The following TBCA variants were observed in gnomAD, a reference collection of about 807,000 sequenced individuals.
TBCA encodes tubulin-specific chaperone A.
Under a neutral mutation model 15.8 loss-of-function variants are expected in TBCA, and 6 were observed. The ratio of observed to expected loss-of-function variants is 0.38; its 90% CI spans 0.21 to 0.75. The LOEUF is 0.75. TBCA is among the 30% of genes least tolerant of loss of function. The probability of loss-of-function intolerance (pLI) is 0.46; values close to 1 mark genes in which losing one functional copy is unlikely to be tolerated. For missense variants in TBCA, 90 were observed against 131.2 expected (o/e 0.69, Z 1.53); for synonymous variants, 32 against 42.3 (o/e 0.76, Z 0.94).
At chr5:77,747,241 T>G (rs958505845) in intron 1 of TBCA, among the ~76,000 whole-genome samples, 76 of 152,216 alleles carry the variant, frequency 5.0e-4, no homozygotes, top group African/African-American at 1.6e-3. Flanking sequence ...AAAATTCTGG[T>G]CTTACTATGT....
At position 77,719,213 on chromosome 5, in the gene TBCA, C is replaced by T. The variant is rs192060240; in HGVS notation, c.54-10866G>A. Among the ~76,000 whole-genome samples, 39 of 152,180 alleles carry T rather than the reference C, an allele frequency of 2.6e-4. 1 individual carries two copies. The highest frequency in any genetic ancestry group is 7.9e-4 in the African/African-American group (33 of 41,518). ...AGTGAAAAGCCAGCTGTCCAAGAAA[C>T]GATGAAAACAGGATGTGAAATCATG... On this transcript the variant is annotated intron_variant, in intron 1 of 3. Transcript: ENST00000380377.
intron 2 of TBCA, among the ~76,000 whole-genome samples, chr5:77,703,640 G>A (rs1388440419): frequency 6.6e-6 from 1 of 152,092 alleles, no homozygotes; most frequent in Non-Finnish European, 1.5e-5. Flanking sequence ...ACAGTGGCAT[G>A]ATCACGGCTC....
intron 2 of TBCA, among the ~76,000 whole-genome samples, chr5:77,702,132 C>A (rs1044675077): frequency 2.0e-5 from 3 of 152,000 alleles, no homozygotes; most frequent in Admixed American, 1.3e-4. Context: ...CAAAAATCAC[C>A]ACTAAAGAAC....
chr5:77,725,953 G>C (rs572200749), intron 1 of TBCA, among the ~76,000 whole-genome samples: 4 of 152,176 alleles, frequency 2.6e-5, no homozygotes, highest in Non-Finnish European at 5.9e-5. Context: ...GGGTGGAGCT[G>C]AGATTATTTT....
At chr5:77,762,783 G>T (rs1323866392) in intron 1 of TBCA, among the ~76,000 whole-genome samples, 1 of 152,154 alleles carries the variant, frequency 6.6e-6, no homozygotes, top group African/African-American at 2.4e-5. Flanking sequence ...GAAACAGGTA[G>T]GGCTGAAAGT....
intron 2 of TBCA, among the ~76,000 whole-genome samples, chr5:77,701,515 G>T (rs559201530): frequency 3.3e-5 from 5 of 151,526 alleles, no homozygotes; most frequent in African/African-American, 1.2e-4. Context: ...CTAAAAGTAG[G>T]ACTACCATTT....
intron 1 of TBCA, among the ~76,000 whole-genome samples, chr5:77,724,690 T>C (rs932723717): frequency 1.1e-4 from 17 of 152,140 alleles, no homozygotes; most frequent in African/African-American, 4.1e-4. Context: ...AGAAGTTTAT[T>C]ATAGTATATT....
intron 3 of TBCA, chr5:77,692,183 T>C: frequency 1.0e-6 from 1 of 985,060 alleles, no homozygotes; most frequent in Non-Finnish European, 1.2e-6. Context: ...AAGCTATGGT[T>C]AGCAATTTAT....
chr5:77,753,272 T>C, intron 1 of TBCA, among the ~76,000 whole-genome samples: 1 of 152,262 alleles, frequency 6.6e-6, no homozygotes, highest in South Asian at 2.1e-4. Context: ...TTAAAAGGCA[T>C]GTGAGCTAGC....
intron 1 of TBCA, among the ~76,000 whole-genome samples, chr5:77,717,422 G>T (rs1325696448): frequency 1.3e-5 from 2 of 150,420 alleles, no homozygotes; most frequent in African/African-American, 4.9e-5. Flanking sequence ...AAGAAAGTAA[G>T]ATTAAATTAC....
chr5:77,764,732 T>G (rs1417775946), intron 1 of TBCA, among the ~76,000 whole-genome samples: 4 of 152,212 alleles, frequency 2.6e-5, no homozygotes, highest in Non-Finnish European at 5.9e-5. Context: ...ACCAATAATA[T>G]AGAGTATTAC....
intron 1 of TBCA, chr5:77,715,278 A>C (rs1009639578): frequency 8.5e-6 from 6 of 702,284 alleles, no homozygotes; most frequent in African/African-American, 7.0e-5. Context: ...CCAAGAAAAG[A>C]AGCCATGAAA....
chr5:77,731,582 CTT>C (rs905796816), intron 1 of TBCA, among the ~76,000 whole-genome samples: 4 of 152,152 alleles, frequency 2.6e-5, no homozygotes, highest in Non-Finnish European at 5.9e-5. Flanking sequence ...GTGTTCATCT[CTT>C]TCTTACTAAT....
chr5:77,740,226 T>C (rs748419871), intron 1 of TBCA, among the ~76,000 whole-genome samples: 47 of 152,228 alleles, frequency 3.1e-4, no homozygotes, highest in Non-Finnish European at 6.0e-4. Flanking sequence ...TACTAGGTTA[T>C]AACCTTATAA....
At position 77,728,009 on chromosome 5, in the gene TBCA, T is replaced by C. The variant is rs1746670601; in HGVS notation, c.54-19662A>G. Among the ~76,000 whole-genome samples the C allele has an allele frequency of 2.6e-5, 4 of 152,122 alleles. No individual in the cohort carries two copies. The South Asian group carries it at 8.3e-4, about 32-fold the overall frequency. On this transcript the variant is annotated intron_variant, in intron 1 of 3. Coordinates refer to ENST00000380377, the MANE Select transcript of TBCA (RefSeq NM_004607.3). ...AAAGAAAAATTACTAAGCAAGGAATTTTCAGGCTTACAATTTTTTAAGAGT... is the reference window on the plus strand; with the variant it reads ...AAAGAAAAATTACTAAGCAAGGAATCTTCAGGCTTACAATTTTTTAAGAGT...
At chr5:77,743,671 G>A (rs772898829) in intron 1 of TBCA, among the ~76,000 whole-genome samples, 3 of 152,128 alleles carry the variant, frequency 2.0e-5, no homozygotes, top group Non-Finnish European at 4.4e-5. Context: ...AAGACCTTGG[G>A]ACAAATGTAG....
intron 1 of TBCA, among the ~76,000 whole-genome samples, chr5:77,748,257 G>C (rs184389960): frequency 6.6e-6 from 1 of 152,264 alleles, no homozygotes; most frequent in East Asian, 1.9e-4. Context: ...TAACTGTAAT[G>C]TAGTAATATG....
intron 1 of TBCA, among the ~76,000 whole-genome samples, chr5:77,754,677 G>C (rs752954483): frequency 6.6e-6 from 1 of 152,120 alleles, no homozygotes; most frequent in Admixed American, 6.6e-5. Flanking sequence ...AGATATAGCT[G>C]TTTTCATTAA....
At chr5:77,755,637 G>A (rs550997223) in intron 1 of TBCA, among the ~76,000 whole-genome samples, 7 of 151,964 alleles carry the variant, frequency 4.6e-5, no homozygotes, top group Non-Finnish European at 1.0e-4. Context: ...GACCTAATAT[G>A]TAACTAGCTG....
Sources: gnomAD v4.1 joint callset for allele counts (sites outside exome capture counted in the v4.1 genomes callset) on GRCh38, gnomAD v4.1.1 for gene constraint, MANE v1.5 for transcripts, NCBI Gene and HGNC (gene_info 2026-07-23, HGNC 2026-07-21) for gene names.